Variants in ST3GAL2 observed in about 807,000 individuals in gnomAD.
ST3GAL2 encodes ST3 beta-galactoside alpha-2,3-sialyltransferase 2.
Under a neutral mutation model 37.5 loss-of-function variants are expected in ST3GAL2, and 16 were observed. That is an observed-to-expected ratio of 0.43 (90% CI 0.29 to 0.65). The LOEUF (loss-of-function observed/expected upper bound fraction) is 0.65, where lower values mean the gene tolerates loss of function less well. Ranked by LOEUF, ST3GAL2 falls within the 30% of genes least tolerant of loss-of-function variation. ST3GAL2 has a pLI of 0.17. For synonymous variants in ST3GAL2, 238 were observed against 202.9 expected (o/e 1.17, Z -1.47); for missense variants, 383 against 487.8 (o/e 0.79, Z 2.02).
intron 1 of ST3GAL2, among the ~76,000 whole-genome samples, chr16:70,431,600 G>A (rs1324293072): frequency 1.3e-5 from 2 of 151,774 alleles, no homozygotes; most frequent in African/African-American, 4.8e-5. Flanking sequence ...CCAGGTGGGA[G>A]GATCACTTGA....
At position 70,381,794 on chromosome 16, in the gene ST3GAL2, G is replaced by A. The variant is rs375230306; in HGVS notation, c.948C>T (p.Tyr316=). 21 of 1,613,956 alleles carry A rather than the reference G, an allele frequency of 1.3e-5. No individual in the cohort carries two copies. Among genetic ancestry groups the A allele is most frequent in the Middle Eastern group, 3.3e-4 (2 of 6,082 alleles). Residue 316 remains tyrosine, a synonymous_variant, in exon 7 of 7, where the codon TAC becomes TAT. Transcript: ENST00000342907. ...CGCCAGTCTTCCGGAACTCGCCCGCGTACCGGTTGTTCTCCCAGTAGTGGT... is the reference window on the plus strand; with the variant it reads ...CGCCAGTCTTCCGGAACTCGCCCGCATACCGGTTGTTCTCCCAGTAGTGGT... ...NWHHYWENNR[Y]AGEFRKTGVH... is the part of the protein sequence containing the mutation.
chr16:70,409,706 TCA>T (rs1041193454), intron 1 of ST3GAL2, among the ~76,000 whole-genome samples: 5 of 151,800 alleles, frequency 3.3e-5, no homozygotes, highest in Non-Finnish European at 7.4e-5. Flanking sequence ...GGTGGCGCAA[TCA>T]CAGTTGACTG....
intron 6 of ST3GAL2, among the ~76,000 whole-genome samples, 189 bp from the exon 7 acceptor site, chr16:70,382,051 CTTTTT>C (rs11320527): frequency 1.5e-5 from 2 of 129,288 alleles, no homozygotes; most frequent in Admixed American, 7.7e-5. Flanking sequence ...CAAATTCCTC[CTTTTT>C]TTTTTTTTTT....
At chr16:70,420,038 T>G (rs868751305) in intron 1 of ST3GAL2, among the ~76,000 whole-genome samples, 16 of 150,666 alleles carry the variant, frequency 1.1e-4, no homozygotes, top group South Asian at 8.6e-4. Context: ...TTTTTTTTTT[T>G]TTTTTTGAGA....
At chr16:70,387,180 T>C (rs2047449123) in intron 4 of ST3GAL2, among the ~76,000 whole-genome samples, 1 of 151,894 alleles carries the variant, frequency 6.6e-6, no homozygotes, top group Non-Finnish European at 1.5e-5. Flanking sequence ...CACTTGAACC[T>C]GGGAGGCGGA....
intron 1 of ST3GAL2, among the ~76,000 whole-genome samples, chr16:70,402,936 C>A (rs2047565855): frequency 6.6e-6 from 1 of 152,224 alleles, no homozygotes. Flanking sequence ...CAGGCATGAG[C>A]CACTGCGCCT....
intron 1 of ST3GAL2, among the ~76,000 whole-genome samples, chr16:70,427,228 T>A (rs1473053815): frequency 6.6e-6 from 1 of 152,124 alleles, no homozygotes; most frequent in Non-Finnish European, 1.5e-5. Context: ...GATGCTATCC[T>A]TTAGACAGTA....
chr16:70,438,073 G>C (rs1281747984), intron 1 of ST3GAL2, among the ~76,000 whole-genome samples: 4 of 152,232 alleles, frequency 2.6e-5, no homozygotes, highest in Non-Finnish European at 5.9e-5. Flanking sequence ...ACGGGAGATG[G>C]ATGCAGTTGG....
chr16:70,402,417 A>C (rs1013849577), intron 1 of ST3GAL2, among the ~76,000 whole-genome samples: 3 of 152,212 alleles, frequency 2.0e-5, no homozygotes, highest in African/African-American at 7.2e-5. Context: ...TCGAGCAAAA[A>C]GAGTAGTCAT....
chr16:70,405,574 A>C (rs1332845396), intron 1 of ST3GAL2, among the ~76,000 whole-genome samples: 10 of 151,214 alleles, frequency 6.6e-5, no homozygotes, highest in African/African-American at 2.2e-4. Context: ...AAAGGAAAAA[A>C]AGGAATAAGG....
intron 1 of ST3GAL2, among the ~76,000 whole-genome samples, chr16:70,421,001 G>A (rs542136984): frequency 3.9e-5 from 6 of 152,296 alleles, no homozygotes; most frequent in African/African-American, 7.2e-5. Context: ...GTGAGCCCAC[G>A]GCCAGCCTGG....
chr16:70,399,045 GGTTCCATGCAAGT>G lies in ST3GAL2; in HGVS notation c.-528_-516del. 2.5e-6 allele frequency: 1 copy of G among 402,728 alleles called. No homozygotes were observed. 24.9% of individuals were successfully genotyped at this position (402,728 alleles called of 1,614,324 possible). On this transcript the variant is annotated 5_prime_UTR_variant, in exon 2 of 7. It removes an upstream start codon present in the reference 5' UTR. Transcript: ENST00000342907. Reference sequence around the variant, plus strand: ...GAGCACAGGGGCTTCAGGGGACTTGGGTTCCATGCAAGTGTTGTCCCACCTCCTGGCCCAAAAC... The same window carrying G: ...GAGCACAGGGGCTTCAGGGGACTTGGGTTGTCCCACCTCCTGGCCCAAAAC...
intron 3 of ST3GAL2, among the ~76,000 whole-genome samples, chr16:70,389,201 A>C (rs1378273877): frequency 6.7e-5 from 7 of 104,632 alleles, no homozygotes; most frequent in Non-Finnish European, 1.8e-5. Flanking sequence ...CCCCATCTCT[A>C]CAAAAAAAAA....
intron 1 of ST3GAL2, among the ~76,000 whole-genome samples, chr16:70,417,522 G>A (rs138518364): frequency 3.9e-5 from 6 of 152,364 alleles, no homozygotes; most frequent in Middle Eastern, 3.4e-3. Context: ...GCAGAGGCCT[G>A]ACCTGAGCTG....
chr16:70,423,636 A>T (rs2047730684), intron 1 of ST3GAL2, among the ~76,000 whole-genome samples: 1 of 150,420 alleles, frequency 6.6e-6, no homozygotes, highest in African/African-American at 2.5e-5. Context: ...AAATTTCTCA[A>T]CTTCCACTTC....
chr16:70,389,617 G>A (rs7188864), intron 3 of ST3GAL2, among the ~76,000 whole-genome samples: 14,122 of 149,634 alleles, frequency 0.094, 2,159 homozygotes, highest in African/African-American at 0.32. Context: ...GGCGTTAGCC[G>A]CTACGTCCAG....
chr16:70,398,989 G>C lies in ST3GAL2; in HGVS notation c.-459C>G. ...GAGGCGGCCCCTCGTTCCCGGCAGCGGGGAAGCCCTAGAACTCCAATCACA... is the reference window on the plus strand; with the variant it reads ...GAGGCGGCCCCTCGTTCCCGGCAGCCGGGAAGCCCTAGAACTCCAATCACA... On this transcript the variant is annotated 5_prime_UTR_variant, in exon 2 of 7. Coordinates refer to ENST00000342907, the MANE Select transcript of ST3GAL2 (RefSeq NM_006927.4). 2.4e-6 allele frequency: 1 copy of C among 417,278 alleles called. No individual in the cohort carries two copies. The highest frequency in any genetic ancestry group is 4.2e-6 in the Non-Finnish European group (1 of 236,346). The allele number at this position is 417,278 out of a possible 1,614,324, so 25.8% of individuals were successfully genotyped here.
intron 1 of ST3GAL2, among the ~76,000 whole-genome samples, chr16:70,424,848 C>A (rs989806413): frequency 1.3e-5 from 2 of 152,162 alleles, no homozygotes; most frequent in African/African-American, 2.4e-5. Context: ...GCTCGTGGCA[C>A]AGGCCTCCTT....
chr16:70,395,643 C>G (rs2047510600), intron 2 of ST3GAL2, among the ~76,000 whole-genome samples: 4 of 152,198 alleles, frequency 2.6e-5, no homozygotes, highest in Admixed American at 2.6e-4. Flanking sequence ...CAGGGAAGGG[C>G]AGAGAGGCTG....
Sources: allele counts gnomAD v4.1 joint callset (sites outside exome capture counted in the v4.1 genomes callset), GRCh38; gene constraint gnomAD v4.1.1; transcripts MANE v1.5; gene names NCBI Gene and HGNC (gene_info 2026-07-23, HGNC 2026-07-21).